ZNF280D: variants seen among roughly 807,000 people sequenced by gnomAD.
The protein encoded by ZNF280D is suppressor of hairy wing homolog 4.
Under a neutral mutation model 94.7 loss-of-function variants are expected in ZNF280D, and 39 were observed. The observed-to-expected ratio is 0.41, with a 90% confidence interval of 0.32 to 0.54. The LOEUF (loss-of-function observed/expected upper bound fraction) is 0.54, where lower values mean the gene tolerates loss of function less well. ZNF280D is among the 20% of genes least tolerant of loss of function. ZNF280D has a pLI of 0.22. For missense variants in ZNF280D, 1,090 were observed against 1,149.3 expected (o/e 0.95, Z 0.75); for synonymous variants, 398 against 377.6 (o/e 1.05, Z -0.63).
chr15:56,730,325 G>C (rs2058825030), intron 1 of ZNF280D: 2 of 152,132 alleles, frequency 1.3e-5, no homozygotes, highest in Admixed American at 6.5e-5. Context: ...TATTTAATTA[G>C]TGAATATGTC....
At chr15:56,716,051 G>A (rs2058027690) in intron 1 of ZNF280D, among the ~76,000 whole-genome samples, 2 of 152,244 alleles carry the variant, frequency 1.3e-5, no homozygotes, top group East Asian at 3.9e-4. Flanking sequence ...ACTACACCAT[G>A]TTATATAAGG....
intron 21 of ZNF280D, 82 bp downstream of exon 21, chr15:56,635,113 C>G: frequency 1.3e-6 from 1 of 786,094 alleles, no homozygotes; most frequent in Non-Finnish European, 2.0e-6. Context: ...TAGTCCTTTG[C>G]CAGTTAACTG....
At chr15:56,720,591 C>T (rs1165030463) in intron 1 of ZNF280D, among the ~76,000 whole-genome samples, 1 of 152,160 alleles carries the variant, frequency 6.6e-6, no homozygotes. Context: ...CCAGATCCAT[C>T]AGAGAAATCA....
chr15:56,691,785 C>T (rs940573695), intron 7 of ZNF280D, among the ~76,000 whole-genome samples: 1 of 152,112 alleles, frequency 6.6e-6, no homozygotes, highest in South Asian at 2.1e-4. Context: ...AATGTATTCT[C>T]ACATTTCACT....
At chr15:56,687,850 TAAG>T (rs1268573359) in intron 9 of ZNF280D, among the ~76,000 whole-genome samples, 1 of 152,350 alleles carries the variant, frequency 6.6e-6, no homozygotes, top group East Asian at 1.9e-4. Flanking sequence ...TGTACGTATA[TAAG>T]AAGACTGTAT....
intron 6 of ZNF280D, among the ~76,000 whole-genome samples, chr15:56,695,066 TTGTG>T (rs10563061): frequency 0.87 from 131,355 of 150,492 alleles, 58,495 homozygotes; most frequent in East Asian, 0.99. Context: ...TTCACTTCCT[TTGTG>T]TGTGTGTGTG....
At position 56,631,852 on chromosome 15, in the gene ZNF280D, T is replaced by C; in HGVS notation, c.2586A>G (p.Leu862=). ...AGTTGTGATCTTTAATCTGATCAGATAAGATTATGTTTTCTGAACTTTGGC... is the reference window on the plus strand; with the variant it reads ...AGTTGTGATCTTTAATCTGATCAGACAAGATTATGTTTTCTGAACTTTGGC... ...KMCQSSENII[L]SDQIKDHNSS... Residue 862 remains leucine (L), a synonymous_variant, in exon 22 of 22, where the codon TTA becomes TTG. Transcript: ENST00000267807. 1 of 1,613,910 alleles carries C rather than the reference T, an allele frequency of 6.2e-7. No individual in the cohort carries two copies. The highest frequency in any genetic ancestry group is 8.5e-7 in the Non-Finnish European group (1 of 1,180,022).
intron 3 of ZNF280D, among the ~76,000 whole-genome samples, 175 bp from the exon 4 acceptor site, chr15:56,704,442 T>C (rs2057277842): frequency 6.6e-6 from 1 of 152,216 alleles, no homozygotes; most frequent in South Asian, 2.1e-4. Flanking sequence ...GCTTACTATC[T>C]AAAATATTAA....
chr15:56,682,148 TAA>T, intron 10 of ZNF280D, 104 bp downstream of exon 10: 1 of 795,662 alleles, frequency 1.3e-6, no homozygotes, highest in Non-Finnish European at 1.9e-6. Context: ...TAGAAAGTGT[TAA>T]AATCACTTAC....
chr15:56,646,880 G>A (rs1252673448), intron 19 of ZNF280D, among the ~76,000 whole-genome samples: 1 of 152,322 alleles, frequency 6.6e-6, no homozygotes, highest in Non-Finnish European at 1.5e-5. Flanking sequence ...AGCAGAGTAA[G>A]GAGATCCAAG....
At chr15:56,718,282 G>T (rs1412667140) in intron 1 of ZNF280D, among the ~76,000 whole-genome samples, 1 of 151,952 alleles carries the variant, frequency 6.6e-6, no homozygotes, top group Non-Finnish European at 1.5e-5. Flanking sequence ...GAGAACAAAA[G>T]TCTTGAGTTA....
chr15:56,716,053 T>A (rs1306688918), intron 1 of ZNF280D, among the ~76,000 whole-genome samples: 1 of 152,164 alleles, frequency 6.6e-6, no homozygotes, highest in Non-Finnish European at 1.5e-5. Flanking sequence ...TACACCATGT[T>A]ATATAAGGGA....
chr15:56,681,859 T>C (rs115276816), intron 10 of ZNF280D, among the ~76,000 whole-genome samples: 1,838 of 152,178 alleles, frequency 0.012, 38 homozygotes, highest in African/African-American at 0.041. Context: ...AATTTGAGCA[T>C]TACATAGAGG....
chr15:56,633,215 A>G (rs573640258), intron 21 of ZNF280D, among the ~76,000 whole-genome samples: 1 of 152,318 alleles, frequency 6.6e-6, no homozygotes, highest in African/African-American at 2.4e-5. Flanking sequence ...AACATTTCCA[A>G]AAGGTAATTT....
At chr15:56,712,741 T>C (rs1332328366) in intron 1 of ZNF280D, among the ~76,000 whole-genome samples, 1 of 16,728 alleles carries the variant, frequency 6.0e-5, no homozygotes, top group Admixed American at 3.5e-4. Flanking sequence ...GGTGAATGGC[T>C]TTTTTTTTTT....
chr15:56,730,735 G>A (rs2058841939), intron 1 of ZNF280D: 1 of 152,196 alleles, frequency 6.6e-6, no homozygotes, highest in Admixed American at 6.5e-5. Flanking sequence ...TAAAGTAGAT[G>A]GGTTAGTATT....
intron 1 of ZNF280D, chr15:56,724,793 T>C (rs1433061512): frequency 1.0e-5 from 4 of 392,150 alleles, no homozygotes; most frequent in African/African-American, 8.4e-5. Context: ...ACTTCTCAAA[T>C]GAACAGACAC....
chr15:56,669,686 T>C lies in ZNF280D; in HGVS notation c.1411-729A>G, dbSNP rs566997191. ...AACAACTGAACTTACTGAGAACCCCTTGACTGAGTCCCTCCTCAAACCCAG... is the reference window on the plus strand; with the variant it reads ...AACAACTGAACTTACTGAGAACCCCCTGACTGAGTCCCTCCTCAAACCCAG... On this transcript the variant is annotated intron_variant, in intron 13 of 21. Coordinates refer to ENST00000267807, the MANE Select transcript of ZNF280D (RefSeq NM_017661.4). Among the ~76,000 whole-genome samples the C allele has an allele frequency of 8.2e-5, 12 of 145,696 alleles. No homozygotes were observed. In the East Asian group the frequency reaches 2.3e-3, roughly 28 times the overall value.
intron 10 of ZNF280D, among the ~76,000 whole-genome samples, chr15:56,681,265 G>A (rs568299099): frequency 6.6e-6 from 1 of 152,294 alleles, no homozygotes; most frequent in South Asian, 2.1e-4. Flanking sequence ...AACTACAGCT[G>A]CTTTGAAATG....
Sources: gnomAD v4.1 joint callset for allele counts (sites outside exome capture counted in the v4.1 genomes callset) on GRCh38, gnomAD v4.1.1 for gene constraint, MANE v1.5 for transcripts, NCBI Gene and HGNC (gene_info 2026-07-23, HGNC 2026-07-21) for gene names.